HACE1: variants seen among roughly 807,000 people sequenced by gnomAD.
HACE1 encodes the protein HECT domain and ankyrin repeat containing E3 ubiquitin protein ligase 1.
A neutral mutation model predicts 118.4 loss-of-function variants in HACE1; 73 were observed. The ratio of observed to expected loss-of-function variants is 0.62; its 90% CI spans 0.51 to 0.75. HACE1 has a LOEUF of 0.75. Among genes scored for constraint, HACE1 ranks in the 30% least tolerant of loss-of-function variants. The pLI is 0.00. For synonymous variants in HACE1, 368 were observed against 374.8 expected (o/e 0.98, Z 0.21); for missense variants, 749 against 1,102.2 (o/e 0.68, Z 4.54).
In HACE1 at chr6:104,741,245, G is replaced by A. The variant is rs200956978; in HGVS notation, c.2513+2915C>T. On this transcript the variant is annotated intron_variant, in intron 22 of 23. Transcript: ENST00000262903. ...ACTGGAAGCATTCCCTTTGAAAACT[G>A]GCACAAGACAGGGACGCCCTCTCTC... Among the ~76,000 whole-genome samples the A allele has an allele frequency of 4.5e-4, 50 of 112,308 alleles. 4 individuals carry two copies. The East Asian group carries it at 0.011, about 24-fold the overall frequency. The allele number at this position is 112,308 out of a possible 152,430, so 73.7% of individuals were successfully genotyped here. A position where few individuals can be genotyped will look rare whatever the true frequency, so the allele number is the denominator to read the frequency against.
intron 22 of HACE1, among the ~76,000 whole-genome samples, chr6:104,737,038 C>G (rs1582576244): frequency 6.6e-6 from 1 of 151,736 alleles, no homozygotes; most frequent in East Asian, 1.9e-4. Flanking sequence ...AATCCTAGCA[C>G]TTTGGGAGGC....
Position 104,843,255 on chromosome 6 carries a change from C to T in HACE1, c.370G>A (p.Val124Ile), listed in dbSNP as rs966812364. The change falls in exon 5 of 24, where the codon GTC (valine) becomes ATC (isoleucine). Residue 124 changes from valine to isoleucine, a missense_variant. Around this residue, in one of 5 missense-constraint regions of HACE1, gnomAD observed 120 missense variants for 219.1 expected, o/e 0.55. Coordinates refer to ENST00000262903, the MANE Select transcript of HACE1 (RefSeq NM_020771.4). The stretch of plus-strand genomic sequence containing the variant: ...AGGCCTTCATTATTACAAATGTTGA[C>T]ATCAGCGCTATATTCTAATAATTTA... ...MSKLLEYSADVNICNNEGLTA... is the reference protein window; with the variant it reads ...MSKLLEYSADINICNNEGLTA... 2 of 1,547,234 alleles carry T rather than the reference C, an allele frequency of 1.3e-6. No homozygotes were observed. Among genetic ancestry groups the T allele is most frequent in the Non-Finnish European group, 1.8e-6 (2 of 1,119,272 alleles).
chr6:104,746,032 G>A, intron 20 of HACE1, among the ~76,000 whole-genome samples: 1 of 152,124 alleles, frequency 6.6e-6, no homozygotes, highest in East Asian at 1.9e-4. Context: ...TACTAAGCTA[G>A]ACATTAAAGA....
chr6:104,745,491 G>C lies in HACE1; in HGVS notation c.2344-881C>G, dbSNP rs370695894. Reference sequence around the variant, plus strand: ...AGACCGAGTCTGGCTCTGTCACCCAGGCTGGAGTGCAGTGGCGCGGCTCAC... The same window carrying C: ...AGACCGAGTCTGGCTCTGTCACCCACGCTGGAGTGCAGTGGCGCGGCTCAC... On this transcript the variant is annotated intron_variant, in intron 20 of 23. Transcript: ENST00000262903. Among the ~76,000 whole-genome samples the C allele has an allele frequency of 4.3e-5, 6 of 139,016 alleles. 1 individual carries two copies. In the South Asian group the frequency reaches 8.8e-4, roughly 20 times the overall value. 91.2% of individuals were successfully genotyped at this position (139,016 alleles called of 152,430 possible). A position where few individuals can be genotyped will look rare whatever the true frequency, so the allele number is the denominator to read the frequency against.
intron 4 of HACE1, among the ~76,000 whole-genome samples, chr6:104,845,451 T>G (rs1001658029): frequency 6.6e-6 from 1 of 150,416 alleles, no homozygotes; most frequent in African/African-American, 2.4e-5. Context: ...TCAAAGAAAC[T>G]GAAGAAAATA....
intron 11 of HACE1, chr6:104,786,943 A>G (rs1276717411): frequency 6.6e-6 from 1 of 152,246 alleles, no homozygotes; most frequent in Non-Finnish European, 1.5e-5. Context: ...GGAACCTTAG[A>G]AAATGTTTGA....
At position 104,811,369 on chromosome 6, in the gene HACE1, C is replaced by T. The variant is rs776729974; in HGVS notation, c.559G>A (p.Gly187Ser). Residue 187 changes from glycine to serine, a missense_variant, in exon 7 of 24, where the codon GGT becomes AGT. Transcript: ENST00000262903. Reference sequence around the variant, plus strand: ...ACATTTGGCCTGTTAATATCAGCACCACTGTCTAGCAAGCACTGCACTGTC... The same window carrying T: ...ACATTTGGCCTGTTAATATCAGCACTACTGTCTAGCAAGCACTGCACTGTC... Reference protein sequence around the residue: ...KTTVQCLLDSGADINRPNVSG... With the variant: ...KTTVQCLLDSSADINRPNVSG... 6.5e-7 allele frequency: 1 copy of T among 1,535,282 alleles called. No homozygotes were observed. The highest frequency in any genetic ancestry group is 1.1e-5 in the South Asian group (1 of 89,582).
Position 104,795,650 on chromosome 6 carries a change from A to T in HACE1, c.852T>A (p.Ser284Arg). ...TTAGAATCTTTAGGTACTGGCTTTC[A>T]CTTTGCTGAGACAAATGCTCCAGAA... is the stretch of plus-strand genomic sequence containing the variant. ...RQVLEHLSQQ[S>R]ESQYLKILTS... Residue 284 changes from serine (S) to arginine (R), a missense_variant, in exon 10 of 24, where the codon AGT becomes AGA. By Grantham distance (110) the Ser-to-Arg change is moderately radical. This residue lies in a region of HACE1 where 267 missense variants were observed against 312.2 expected (regional missense o/e 0.86). Transcript: ENST00000262903. 1 of 1,613,240 alleles carries T rather than the reference A, an allele frequency of 6.2e-7. No homozygotes were observed. Among genetic ancestry groups the T allele is most frequent in the South Asian group, 1.1e-5 (1 of 91,058 alleles).
At chr6:104,842,008 TATATAAA>T (rs10544605) in intron 5 of HACE1, among the ~76,000 whole-genome samples, 2,804 of 152,316 alleles carry the variant, frequency 0.018, 90 homozygotes, top group African/African-American at 0.06. Flanking sequence ...AATACTACTT[TATATAAA>T]ATATAAGTCT....
intron 1 of HACE1, among the ~76,000 whole-genome samples, chr6:104,856,610 A>AT (rs1165743451): frequency 6.6e-6 from 1 of 151,944 alleles, no homozygotes; most frequent in East Asian, 1.9e-4. Flanking sequence ...AATTTTTTGT[A>AT]TTTTTAGTAG....
chr6:104,800,754 G>A (rs951266890), intron 7 of HACE1, among the ~76,000 whole-genome samples: 4 of 152,352 alleles, frequency 2.6e-5, no homozygotes, highest in South Asian at 2.1e-4. Flanking sequence ...CCACAAAGAT[G>A]GAGAGAAACC....
chr6:104,771,023 T>C (rs1363921558), intron 19 of HACE1, among the ~76,000 whole-genome samples, 170 bp downstream of exon 19: 2 of 152,196 alleles, frequency 1.3e-5, no homozygotes, highest in Non-Finnish European at 2.9e-5. Flanking sequence ...AAATAATCCT[T>C]TCTAATTCAA....
At chr6:104,775,878 T>C (rs1361533864) in intron 17 of HACE1, among the ~76,000 whole-genome samples, 1 of 152,152 alleles carries the variant, frequency 6.6e-6, no homozygotes, top group Non-Finnish European at 1.5e-5. Context: ...CTACAATTAA[T>C]GAAGCATTCT....
At chr6:104,791,344 A>T (rs1782998649) in intron 11 of HACE1, among the ~76,000 whole-genome samples, 160 bp downstream of exon 11, 1 of 152,024 alleles carries the variant, frequency 6.6e-6, no homozygotes, top group African/African-American at 2.4e-5. Context: ...TGTTGATTAG[A>T]CAGAGTTGAG....
At chr6:104,763,079 A>G (rs908228058) in intron 19 of HACE1, among the ~76,000 whole-genome samples, 5 of 151,932 alleles carry the variant, frequency 3.3e-5, no homozygotes, top group Non-Finnish European at 7.4e-5. Context: ...CATTCAGGTT[A>G]CCATTTTATA....
At position 104,740,975 on chromosome 6, in the gene HACE1, C is replaced by T. The variant is rs1776606471; in HGVS notation, c.2513+3185G>A. On this transcript the variant is annotated intron_variant, in intron 22 of 23. Transcript: ENST00000262903. The stretch of plus-strand genomic sequence containing the variant: ...AGCTTATCCACCATGATCAAGTGGG[C>T]TTCATCCCTGGGATGCAAGGCTGGT... Among the ~76,000 whole-genome samples, 2 of 131,698 alleles carry T rather than the reference C, an allele frequency of 1.5e-5. 1 individual carries two copies. The highest frequency in any genetic ancestry group is 4.9e-4 in the South Asian group (2 of 4,086). The allele number at this position is 131,698 out of a possible 152,430, so 86.4% of individuals were successfully genotyped here. A position where few individuals can be genotyped will look rare whatever the true frequency, so the allele number is the denominator to read the frequency against.
rs1781296014 is a variant in HACE1, at chr6:104,777,084, CTT to C, written c.1703_1704del (p.Glu568GlyfsTer31). 6.2e-7 allele frequency: 1 copy of C among 1,611,118 alleles called. No homozygotes were observed. The highest frequency in any genetic ancestry group is 8.5e-7 in the Non-Finnish European group (1 of 1,177,512). Reference sequence around the variant, plus strand: ...TTTGCACAATTTGCTTTTGACACAACTTCACAGCTACTCCTAAAAATAGAATC... The same window carrying C: ...TTTGCACAATTTGCTTTTGACACAACCACAGCTACTCCTAAAAATAGAATC... The part of the protein sequence containing the change: ...HRDSIFRSSC[E>X]VVSKANCAKL... On this transcript the variant is annotated frameshift_variant, in exon 16 of 24. Transcript: ENST00000262903. LOFTEE classifies it high-confidence loss of function.
intron 6 of HACE1, among the ~76,000 whole-genome samples, chr6:104,815,266 T>C (rs987979068): frequency 2.2e-5 from 3 of 138,644 alleles, no homozygotes; most frequent in Non-Finnish European, 3.1e-5. Context: ...AGATCACTCT[T>C]GCTATGCTTT....
chr6:104,781,990 G>C (rs1324417385), intron 14 of HACE1, among the ~76,000 whole-genome samples: 1 of 149,686 alleles, frequency 6.7e-6, no homozygotes, highest in African/African-American at 2.4e-5. Flanking sequence ...AGCAGAGACA[G>C]TATTAGGTTG....
Sources: gnomAD v4.1 joint callset for allele counts (sites outside exome capture counted in the v4.1 genomes callset) on GRCh38, gnomAD v4.1.1 for gene constraint, gnomAD v4.1.1 regional missense constraint, MANE v1.5 for transcripts, NCBI Gene and HGNC (gene_info 2026-07-23, HGNC 2026-07-21) for gene names.